The following CMYA5 variants were observed in gnomAD, a reference collection of about 807,000 sequenced individuals.
CMYA5 encodes cardiomyopathy-associated protein 5.
Under a neutral mutation model 318.9 loss-of-function variants are expected in CMYA5, and 246 were observed. That is an observed-to-expected ratio of 0.77 (90% CI 0.70 to 0.86). The LOEUF is 0.86. Ranked by LOEUF, CMYA5 falls within the 40% of genes least tolerant of loss-of-function variation. The pLI is 0.00. For synonymous variants in CMYA5, 1,641 were observed against 1,729.5 expected (o/e 0.95, Z 1.27); for missense variants, 4,589 against 4,678.2 (o/e 0.98, Z 0.56).
rs1172018001 is a variant in CMYA5, at chr5:79,731,700, A to G, written c.2935A>G (p.Thr979Ala). ...EFECDSPICLTSPSEHTILSD... is the reference protein window; with the variant it reads ...EFECDSPICLASPSEHTILSD... ...TGAGTGCGATTCTCCAATATGTTTA[A>G]CATCACCATCTGAGCACACTATTTT... Residue 979 changes from threonine (T) to alanine (A), a missense_variant, in exon 2 of 13, where the codon ACA becomes GCA. Physicochemically the swap from Thr to Ala is moderately conservative, Grantham distance 58. Around this residue, in one of 3 missense-constraint regions of CMYA5, gnomAD observed 2,132 missense variants for 2,131.3 expected, o/e 1.00. Transcript: ENST00000446378. 3.1e-6 allele frequency: 5 copies of G among 1,613,872 alleles called. No homozygotes were observed. Among genetic ancestry groups the G allele is most frequent in the Non-Finnish European group, 4.2e-6 (5 of 1,179,886 alleles).
At chr5:79,694,536 G>T (rs779990298) in intron 1 of CMYA5, among the ~76,000 whole-genome samples, 1 of 152,112 alleles carries the variant, frequency 6.6e-6, no homozygotes, top group African/African-American at 2.4e-5. Context: ...TAAGCACAGA[G>T]GATTTTTGCC....
chr5:79,752,897 T>A, intron 6 of CMYA5, 103 bp downstream of exon 6: 2 of 740,244 alleles, frequency 2.7e-6, no homozygotes, highest in Middle Eastern at 6.3e-4. Context: ...TGTAAAGACA[T>A]GTAACTGGAA....
intron 1 of CMYA5, among the ~76,000 whole-genome samples, chr5:79,711,090 C>G (rs868334891): frequency 2.8e-4 from 43 of 152,286 alleles, no homozygotes; most frequent in African/African-American, 9.4e-4. Flanking sequence ...CAAGTTATTT[C>G]CTAATGTATC....
chr5:79,704,663 TG>T (rs1827236493), intron 1 of CMYA5, among the ~76,000 whole-genome samples: 1 of 152,054 alleles, frequency 6.6e-6, no homozygotes, highest in African/African-American at 2.4e-5. Context: ...GGGTGCCATT[TG>T]GGGATAGCTA....
Position 79,735,402 on chromosome 5 carries a change from G to A in CMYA5, c.6637G>A (p.Ala2213Thr), listed in dbSNP as rs755838153. The A allele has an allele frequency of 2.2e-5, 35 of 1,613,752 alleles. No homozygotes were observed. In the South Asian group the frequency reaches 3.6e-4, roughly 17 times the overall value. Residue 2213 changes from alanine (A) to threonine (T), a missense_variant, in exon 2 of 13, where the codon GCA becomes ACA. Physicochemically the swap from Ala to Thr is moderately conservative, Grantham distance 58. This residue lies in a region of CMYA5 where 2,431 missense variants were observed against 2,495.1 expected (regional missense o/e 0.97). Transcript: ENST00000446378. ...ETQPSPSVEK[A>T]VTVIDPEGTI... ...ACAGCCAAGTCCATCCGTAGAAAAA[G>A]CAGTGACTGTGATAGATCCTGAAGG...
chr5:79,719,597 A>G (rs1224970599), intron 1 of CMYA5, among the ~76,000 whole-genome samples: 1 of 152,264 alleles, frequency 6.6e-6, no homozygotes, highest in Non-Finnish European at 1.5e-5. Flanking sequence ...CAGCAAATGT[A>G]TTAAAGCTCC....
intron 1 of CMYA5, among the ~76,000 whole-genome samples, chr5:79,713,872 TCTC>T (rs1379870528): frequency 2.0e-5 from 3 of 152,138 alleles, no homozygotes; most frequent in African/African-American, 4.8e-5. Flanking sequence ...TACTTCGAAA[TCTC>T]CTACCTTCAC....
At chr5:79,769,636 G>A (rs569944252) in intron 9 of CMYA5, among the ~76,000 whole-genome samples, 1 of 152,282 alleles carries the variant, frequency 6.6e-6, no homozygotes, top group African/African-American at 2.4e-5. Context: ...AGAGGCTGCA[G>A]AACAGCAAAG....
At chr5:79,752,560 C>A (rs1828448822) in intron 5 of CMYA5, 116 bp from the exon 6 acceptor site, 2 of 614,476 alleles carry the variant, frequency 3.3e-6, no homozygotes, top group African/African-American at 1.9e-5. Flanking sequence ...GAGTGAGAGG[C>A]CCTGCCTTAT....
intron 1 of CMYA5, among the ~76,000 whole-genome samples, chr5:79,723,087 G>A (rs1260216662): frequency 6.6e-6 from 1 of 152,118 alleles, no homozygotes; most frequent in Non-Finnish European, 1.5e-5. Flanking sequence ...ACAATTCCCA[G>A]TTTGTTCTAT....
At chr5:79,747,175 T>G in intron 5 of CMYA5, 62 bp downstream of exon 5, 1 of 1,480,454 alleles carries the variant, frequency 6.8e-7, no homozygotes, top group Non-Finnish European at 9.0e-7. Context: ...CTTTTTAATA[T>G]TTTGGTGCTT....
chr5:79,738,258 C>T lies in CMYA5; in HGVS notation c.9493C>T (p.Leu3165=). 1.2e-6 allele frequency: 2 copies of T among 1,613,608 alleles called. No homozygotes were observed. The highest frequency in any genetic ancestry group is 1.7e-6 in the Non-Finnish European group (2 of 1,179,778). The change falls in exon 2 of 13, where the codon CTA becomes TTA. Residue 3165 remains leucine (L), a synonymous_variant. Transcript: ENST00000446378. ...MPLFEAEEGV[L]SRTQIFPTTI... is the part of the protein sequence containing the mutation. ...TTTATTTGAAGCAGAGGAAGGAGTT[C>T]TATCACGAACCCAGATATTTCCTAC...
At chr5:79,789,704 T>C (rs1242405228) in intron 10 of CMYA5, among the ~76,000 whole-genome samples, 7 of 152,076 alleles carry the variant, frequency 4.6e-5, no homozygotes, top group South Asian at 2.1e-4. Flanking sequence ...GGATTACAGG[T>C]GTGAGCCACC....
intron 6 of CMYA5, among the ~76,000 whole-genome samples, chr5:79,757,814 G>A (rs1422295846): frequency 6.6e-6 from 1 of 152,216 alleles, no homozygotes; most frequent in Non-Finnish European, 1.5e-5. Flanking sequence ...CTGTAGAAGA[G>A]TATTCTCAAG....
Position 79,737,758 on chromosome 5 carries a change from T to A in CMYA5, c.8993T>A (p.Val2998Asp). 1.2e-6 allele frequency: 2 copies of A among 1,611,398 alleles called. No individual in the cohort carries two copies. Among genetic ancestry groups the A allele is most frequent in the Non-Finnish European group, 1.7e-6 (2 of 1,179,284 alleles). The change falls in exon 2 of 13, where the codon GTT becomes GAT. Residue 2998 changes from valine to aspartate, a missense_variant. Transcript: ENST00000446378. Reference protein sequence around the residue: ...TIPLPDDSETVACHKTLKSRL... With the variant: ...TIPLPDDSETDACHKTLKSRL... ...CCACTCCCTGATGATAGTGAAACAGTTGCTTGTCATAAAACATTAAAGAGC... is the reference window on the plus strand; with the variant it reads ...CCACTCCCTGATGATAGTGAAACAGATGCTTGTCATAAAACATTAAAGAGC...
chr5:79,690,949 G>C (rs1826960060), intron 1 of CMYA5, among the ~76,000 whole-genome samples: 1 of 152,218 alleles, frequency 6.6e-6, no homozygotes, highest in African/African-American at 2.4e-5. Context: ...GGGGCATTGA[G>C]GAGGATGGAT....
At chr5:79,700,764 G>A (rs544448810) in intron 1 of CMYA5, among the ~76,000 whole-genome samples, 122 of 152,258 alleles carry the variant, frequency 8.0e-4, no homozygotes, top group African/African-American at 2.8e-3. Flanking sequence ...CAGAGATGTG[G>A]ATGGATCTGG....
At chr5:79,702,833 A>G (rs1271529539) in intron 1 of CMYA5, among the ~76,000 whole-genome samples, 1 of 152,230 alleles carries the variant, frequency 6.6e-6, no homozygotes, top group Non-Finnish European at 1.5e-5. Context: ...CTGGGGCACT[A>G]GATGTCACAA....
chr5:79,690,109 C>T, intron 1 of CMYA5, 53 bp downstream of exon 1: 3 of 1,381,016 alleles, frequency 2.2e-6, no homozygotes, highest in South Asian at 3.3e-5. Flanking sequence ...CTAGCAGCAC[C>T]CTTGCTTGTT....
Sources: gnomAD v4.1 joint callset for allele counts (sites outside exome capture counted in the v4.1 genomes callset) on GRCh38, gnomAD v4.1.1 for gene constraint, gnomAD v4.1.1 regional missense constraint, MANE v1.5 for transcripts, NCBI Gene and HGNC (gene_info 2026-07-23, HGNC 2026-07-21) for gene names.